Variants in SLC4A10 observed in about 807,000 individuals in gnomAD.
SLC4A10 encodes the protein solute carrier family 4 member 10.
In SLC4A10, 42 loss-of-function variants were observed where a neutral mutation model predicts 137.7. The observed-to-expected ratio is 0.30, with a 90% CI of 0.24 to 0.39. The LOEUF (loss-of-function observed/expected upper bound fraction) is 0.39. SLC4A10 is among the 10% of genes least tolerant of loss of function. The pLI is 1.00. For synonymous variants in SLC4A10, 474 were observed against 464.1 expected (o/e 1.02, Z -0.27); for missense variants, 925 against 1,355.0 (o/e 0.68, Z 4.98).
chr2:161,820,953 A>T (rs1035159241), intron 3 of SLC4A10, among the ~76,000 whole-genome samples: 2 of 152,200 alleles, frequency 1.3e-5, no homozygotes, highest in Non-Finnish European at 2.9e-5. Flanking sequence ...ACACTTGGTA[A>T]TTCCATTCTT....
chr2:161,719,680 G>T (rs907924858), intron 1 of SLC4A10, among the ~76,000 whole-genome samples: 8 of 152,132 alleles, frequency 5.3e-5, no homozygotes, highest in African/African-American at 1.4e-4. Context: ...TTATGTGTCT[G>T]TTGGCTGCAT....
chr2:161,746,896 A>T (rs1348541491), intron 1 of SLC4A10, among the ~76,000 whole-genome samples: 3 of 152,020 alleles, frequency 2.0e-5, no homozygotes, highest in Non-Finnish European at 2.9e-5. Flanking sequence ...ACGGCCTGGA[A>T]TGGGGGTTTC....
At chr2:161,661,845 A>T (rs1324139470) in intron 1 of SLC4A10, among the ~76,000 whole-genome samples, 1 of 152,178 alleles carries the variant, frequency 6.6e-6, no homozygotes, top group Non-Finnish European at 1.5e-5. Flanking sequence ...AAAAATATAT[A>T]TTTTACTATC....
intron 1 of SLC4A10, among the ~76,000 whole-genome samples, chr2:161,752,820 C>G (rs1042012886): frequency 6.6e-6 from 1 of 151,910 alleles, no homozygotes; most frequent in Non-Finnish European, 1.5e-5. Flanking sequence ...GAAGAATATC[C>G]TGGTGGACAG....
intron 26 of SLC4A10, 45 bp downstream of exon 26, chr2:161,977,805 A>T: frequency 1.3e-6 from 2 of 1,539,850 alleles, no homozygotes; most frequent in South Asian, 1.3e-5. Context: ...GCATTTCCTT[A>T]TGTTAAATGG....
At chr2:161,840,117 A>C (rs1325450085) in intron 4 of SLC4A10, among the ~76,000 whole-genome samples, 190 bp downstream of exon 4, 2 of 152,222 alleles carry the variant, frequency 1.3e-5, no homozygotes, top group East Asian at 1.9e-4. Context: ...AATTACAGTA[A>C]ACGGTGATGC....
At chr2:161,780,439 T>C (rs887754051) in intron 2 of SLC4A10, among the ~76,000 whole-genome samples, 1 of 152,000 alleles carries the variant, frequency 6.6e-6, no homozygotes, top group Non-Finnish European at 1.5e-5. Flanking sequence ...AGTATGCCCT[T>C]ATAAGACTGT....
chr2:161,758,143 TGTA>T (rs1208948755), intron 1 of SLC4A10, among the ~76,000 whole-genome samples: 1 of 151,952 alleles, frequency 6.6e-6, no homozygotes, highest in Non-Finnish European at 1.5e-5. Flanking sequence ...TGCAATGAAA[TGTA>T]GTGTCATTAT....
intron 1 of SLC4A10, among the ~76,000 whole-genome samples, chr2:161,630,050 A>G (rs1165779275): frequency 6.6e-6 from 1 of 151,864 alleles, no homozygotes. Flanking sequence ...TTGGGTAAAT[A>G]CTAAGGATGT....
intron 1 of SLC4A10, among the ~76,000 whole-genome samples, chr2:161,752,270 A>AT (rs1282857932): frequency 1.3e-5 from 2 of 151,668 alleles, no homozygotes; most frequent in Non-Finnish European, 2.9e-5. Flanking sequence ...TATTATTATT[A>AT]TTTTTTTGCC....
intron 19 of SLC4A10, among the ~76,000 whole-genome samples, chr2:161,951,482 G>A (rs913340356): frequency 2.6e-5 from 4 of 152,098 alleles, no homozygotes; most frequent in African/African-American, 9.7e-5. Context: ...ATTTGCCTGA[G>A]ATATGTAATG....
intron 21 of SLC4A10, among the ~76,000 whole-genome samples, chr2:161,961,958 T>G (rs1437721536): frequency 2.0e-5 from 3 of 152,198 alleles, no homozygotes; most frequent in Admixed American, 6.5e-5. Flanking sequence ...AGCAGGCAGC[T>G]GAAATTCCTA....
At chr2:161,949,767 G>T (rs1425777748) in intron 18 of SLC4A10, among the ~76,000 whole-genome samples, 1 of 151,562 alleles carries the variant, frequency 6.6e-6, no homozygotes, top group African/African-American at 2.4e-5. Flanking sequence ...GATATGTTTG[G>T]GGTGGGGCCC....
intron 6 of SLC4A10, among the ~76,000 whole-genome samples, chr2:161,868,105 A>G (rs2060873111): frequency 6.6e-6 from 1 of 151,928 alleles, no homozygotes; most frequent in Non-Finnish European, 1.5e-5. Context: ...GCCAACTATA[A>G]ATTTAAAAGT....
chr2:161,682,545 G>A (rs144495226), intron 1 of SLC4A10, among the ~76,000 whole-genome samples: 257 of 152,142 alleles, frequency 1.7e-3, no homozygotes, highest in African/African-American at 6.0e-3. Flanking sequence ...ATGCTGTTTT[G>A]TTTATCTATT....
chr2:161,668,236 G>A (rs2039302898), intron 1 of SLC4A10, among the ~76,000 whole-genome samples: 1 of 151,790 alleles, frequency 6.6e-6, no homozygotes, highest in South Asian at 2.1e-4. Context: ...GCAGCTAAAG[G>A]GGAGAGGAAG....
chr2:161,934,323 C>T (rs1054642900), intron 15 of SLC4A10, among the ~76,000 whole-genome samples: 1 of 152,092 alleles, frequency 6.6e-6, no homozygotes, highest in African/African-American at 2.4e-5. Context: ...CCCTCATTAC[C>T]CTTCCCAGCC....
intron 10 of SLC4A10, among the ~76,000 whole-genome samples, chr2:161,882,737 C>T (rs1474033242): frequency 6.6e-6 from 1 of 151,962 alleles, no homozygotes; most frequent in Admixed American, 6.6e-5. Context: ...AAAGTAAGCA[C>T]CATTGTTAAT....
chr2:161,762,506 A>G (rs1481603484), intron 1 of SLC4A10, among the ~76,000 whole-genome samples: 1 of 152,136 alleles, frequency 6.6e-6, no homozygotes, highest in Non-Finnish European at 1.5e-5. Flanking sequence ...TTTAACTTCC[A>G]TGGTAATGAA....
Sources: gnomAD v4.1 joint callset for allele counts (sites outside exome capture counted in the v4.1 genomes callset) on GRCh38, gnomAD v4.1.1 for gene constraint, MANE v1.5 for transcripts, NCBI Gene and HGNC (gene_info 2026-07-23, HGNC 2026-07-21) for gene names.